The following ESR1 variants were observed in gnomAD, a reference collection of about 807,000 sequenced individuals.
ESR1 encodes the protein estrogen receptor 1.
ESR1 carries 12 observed loss-of-function variants against 52.7 expected under a neutral mutation model. The ratio of observed to expected loss-of-function variants is 0.23; its 90% CI spans 0.15 to 0.37. The LOEUF (loss-of-function observed/expected upper bound fraction) is 0.37. Among genes scored for constraint, ESR1 ranks in the 10% least tolerant of loss-of-function variants. ESR1 has a pLI of 1.00. For synonymous variants in ESR1, 305 were observed against 316.8 expected (o/e 0.96, Z 0.39); for missense variants, 584 against 779.7 (o/e 0.75, Z 2.99).
chr6:151,669,175 AGAGAGAGAGAGAGATGGG>A (rs1777949278), intron 1 of ESR1, among the ~76,000 whole-genome samples: 2 of 111,708 alleles, frequency 1.8e-5, no homozygotes, highest in Non-Finnish European at 1.9e-5. Flanking sequence ...AGAGAGAGAG[AGAGAGAGAGAGAGATGGG>A]AATCCAGGGG....
intron 3 of ESR1, among the ~76,000 whole-genome samples, chr6:151,920,742 G>A (rs77829978): frequency 0.063 from 9,609 of 152,012 alleles, 576 homozygotes; most frequent in African/African-American, 0.15. Flanking sequence ...GACCACAGAG[G>A]TTAAGTGTGA....
intron 3 of ESR1, among the ~76,000 whole-genome samples, chr6:151,886,044 T>C (rs780199317): frequency 8.7e-5 from 13 of 148,914 alleles, no homozygotes; most frequent in Non-Finnish European, 1.9e-4. Context: ...CACTGCTGGG[T>C]TTTTTTTTTC....
At chr6:151,873,508 G>C (rs1350786858) in intron 2 of ESR1, among the ~76,000 whole-genome samples, 1 of 152,192 alleles carries the variant, frequency 6.6e-6, no homozygotes, top group Admixed American at 6.5e-5. Context: ...GCCAGAGCAG[G>C]AACGGCTCTT....
chr6:151,861,204 T>C (rs979369643), intron 2 of ESR1, among the ~76,000 whole-genome samples: 1 of 152,132 alleles, frequency 6.6e-6, no homozygotes, highest in African/African-American at 2.4e-5. Context: ...CTATGTCTCT[T>C]TCCATGAGAA....
intron 1 of ESR1, among the ~76,000 whole-genome samples, chr6:151,683,864 A>ATTTTTTTTTTTTTTT: frequency 8.4e-6 from 1 of 118,476 alleles, no homozygotes; most frequent in Non-Finnish European, 1.7e-5. Flanking sequence ...ACGTCTGGCT[A>ATTTTTTTTTTTTTTT]TTTTTTTTTT....
intron 3 of ESR1, among the ~76,000 whole-genome samples, chr6:151,902,121 G>T (rs1010508075): frequency 2.0e-5 from 3 of 152,212 alleles, no homozygotes; most frequent in Non-Finnish European, 4.4e-5. Flanking sequence ...TGAAGGTGTT[G>T]TTGACACAGG....
intron 1 of ESR1, among the ~76,000 whole-genome samples, chr6:151,670,538 G>A (rs1778012467): frequency 6.6e-6 from 1 of 152,076 alleles, no homozygotes; most frequent in Admixed American, 6.6e-5. Context: ...ACATCCTTCT[G>A]TAATATGTGA....
intron 3 of ESR1, among the ~76,000 whole-genome samples, chr6:151,909,711 A>G (rs1361802886): frequency 2.0e-5 from 3 of 152,168 alleles, no homozygotes; most frequent in East Asian, 1.9e-4. Flanking sequence ...GGGCAGAAGC[A>G]TGACCCCTGG....
chr6:151,743,281 G>A (rs919760776), intron 2 of ESR1, among the ~76,000 whole-genome samples: 2 of 152,102 alleles, frequency 1.3e-5, no homozygotes, highest in African/African-American at 4.8e-5. Flanking sequence ...GATCGTGGGG[G>A]CTTAGACTGC....
At chr6:151,728,707 C>A (rs537818284) in intron 2 of ESR1, among the ~76,000 whole-genome samples, 1 of 152,210 alleles carries the variant, frequency 6.6e-6, no homozygotes, top group Non-Finnish European at 1.5e-5. Context: ...TTAAAATTCT[C>A]TTTCCTACCC....
At position 151,730,404 on chromosome 6, in the gene ESR1, C is replaced by G. The variant is rs76163274; in HGVS notation, c.-71+28399C>G. Among the ~76,000 whole-genome samples the G allele has an allele frequency of 2.6e-5, 4 of 152,244 alleles. No homozygotes were observed. In the East Asian group the frequency reaches 7.7e-4, roughly 29 times the overall value. ...CTGCCCTTTCTGACCATCTTCTACT[C>G]TGGTCTGGCCTCCCATTTTCCAGAG... On this transcript the variant is annotated intron_variant, in intron 2 of 2. Coordinates refer to the ESR1 transcript ENST00000404742.
At chr6:151,959,620 T>C (rs1190701177) in intron 4 of ESR1, among the ~76,000 whole-genome samples, 4 of 152,144 alleles carry the variant, frequency 2.6e-5, no homozygotes, top group Admixed American at 2.6e-4. Context: ...CTGGGGGTCT[T>C]TCTGGAGCAT....
At chr6:151,992,657 TG>T (rs1228249881) in intron 4 of ESR1, among the ~76,000 whole-genome samples, 1 of 151,894 alleles carries the variant, frequency 6.6e-6, no homozygotes, top group Non-Finnish European at 1.5e-5. Context: ...GCAAGGTGGG[TG>T]GGGAAAGGAT....
upstream of ESR1, among the ~76,000 whole-genome samples, chr6:151,689,867 T>G (rs1019208018): frequency 6.6e-6 from 1 of 152,220 alleles, no homozygotes; most frequent in African/African-American, 2.4e-5. Context: ...TAAAAATTTT[T>G]AATATGATTT....
intron 2 of ESR1, among the ~76,000 whole-genome samples, chr6:151,872,526 T>A (rs1438920713): frequency 6.6e-6 from 1 of 152,250 alleles, no homozygotes; most frequent in East Asian, 1.9e-4. Flanking sequence ...GTGAATACTT[T>A]TAATCCTTCA....
chr6:152,021,116 G>A (rs1236687732), intron 5 of ESR1, among the ~76,000 whole-genome samples: 1 of 152,136 alleles, frequency 6.6e-6, no homozygotes, highest in East Asian at 1.9e-4. Context: ...TACCAAAGGA[G>A]ATTAATATTT....
At chr6:151,659,974 A>G (rs1196521871) in intron 1 of ESR1, among the ~76,000 whole-genome samples, 1 of 152,238 alleles carries the variant, frequency 6.6e-6, no homozygotes, top group East Asian at 1.9e-4. Flanking sequence ...TATGGTAAAA[A>G]GAACACAGGA....
chr6:152,065,749 G>A (rs2047916797), intron 6 of ESR1, among the ~76,000 whole-genome samples: 1 of 152,122 alleles, frequency 6.6e-6, no homozygotes, highest in African/African-American at 2.4e-5. Flanking sequence ...TCTGTGTGCT[G>A]CTGGCTTCTG....
At chr6:151,895,404 C>T (rs1209758115) in intron 3 of ESR1, among the ~76,000 whole-genome samples, 1 of 152,080 alleles carries the variant, frequency 6.6e-6, no homozygotes, top group Non-Finnish European at 1.5e-5. Context: ...CTCTTGTCTG[C>T]TCCGGCTAGG....
Sources: gnomAD v4.1 joint callset for allele counts (sites outside exome capture counted in the v4.1 genomes callset) on GRCh38, gnomAD v4.1.1 for gene constraint, MANE v1.5 for transcripts, NCBI Gene and HGNC (gene_info 2026-07-23, HGNC 2026-07-21) for gene names.